Variants in IL1RL2 observed in about 807,000 individuals in gnomAD.
IL1RL2 encodes the protein interleukin 1 receptor like 2, also known as interleukin-1 receptor-like 2.
A neutral mutation model predicts 66.8 loss-of-function variants in IL1RL2; 68 were observed. The ratio of observed to expected loss-of-function variants is 1.02; its 90% CI spans 0.84 to 1.25. The LOEUF is 1.25. Ranked by LOEUF, IL1RL2 falls within the 50% of genes most tolerant of loss-of-function variation. The pLI, the probability that IL1RL2 is intolerant of heterozygous loss-of-function variation, is 0.00. For synonymous variants in IL1RL2, 305 were observed against 264.6 expected, an observed-to-expected ratio of 1.15 and a Z score of -1.48; for missense variants, 729 against 709.3, an observed-to-expected ratio of 1.03 and a Z score of -0.32.
intron 3 of IL1RL2, 83 bp downstream of exon 3, chr2:102,189,393 C>T (rs1687028001): frequency 3.7e-6 from 3 of 811,230 alleles, no homozygotes; most frequent in East Asian, 5.4e-5. Context: ...ACATAGAAAA[C>T]TCTTGAGAAG....
intron 8 of IL1RL2, among the ~76,000 whole-genome samples, chr2:102,222,142 T>A (rs1250871031): frequency 6.6e-6 from 1 of 152,218 alleles, no homozygotes; most frequent in African/African-American, 2.4e-5. Flanking sequence ...TTAAGAGAAG[T>A]ATATAGTATG....
chr2:102,222,269 C>T (rs1209481025), intron 8 of IL1RL2, among the ~76,000 whole-genome samples: 1 of 152,014 alleles, frequency 6.6e-6, no homozygotes, highest in African/African-American at 2.4e-5. Flanking sequence ...ACAATTTATC[C>T]ACTGGGCTAT....
chr2:102,228,967 G>A (rs1001386503), intron 9 of IL1RL2, among the ~76,000 whole-genome samples: 9 of 152,178 alleles, frequency 5.9e-5, no homozygotes, highest in African/African-American at 1.9e-4. Flanking sequence ...ATGTCATAGC[G>A]TGTTTTGTGT....
intron 11 of IL1RL2, among the ~76,000 whole-genome samples, chr2:102,237,003 CTT>C (rs1674943528): frequency 6.6e-6 from 1 of 152,178 alleles, no homozygotes; most frequent in Non-Finnish European, 1.5e-5. Context: ...GACGGGTCAG[CTT>C]TCTATTTTGC....
At chr2:102,241,291 C>T (rs948697429), downstream of IL1RL2, among the ~76,000 whole-genome samples, 9 of 152,202 alleles carry the variant, frequency 5.9e-5, 1 homozygote, top group Admixed American at 4.6e-4. Context: ...TCAGCAGGCC[C>T]TGTTTACTAT....
intron 6 of IL1RL2, among the ~76,000 whole-genome samples, chr2:102,217,203 T>C (rs952923682): frequency 2.6e-5 from 4 of 152,208 alleles, no homozygotes; most frequent in African/African-American, 9.6e-5. Flanking sequence ...TTATTTTTCT[T>C]ACATTTCTGA....
At position 102,239,470 on chromosome 2, in the gene IL1RL2, GGTT is replaced by G; in HGVS notation, c.*230_*232del. 6.1e-6 allele frequency: 3 copies of G among 489,216 alleles called. No homozygotes were observed. Among genetic ancestry groups the G allele is most frequent in the Non-Finnish European group, 7.6e-6 (2 of 263,342 alleles). The allele number at this position is 489,216 out of a possible 1,614,324, so 30.3% of individuals were successfully genotyped here. A position where few individuals can be genotyped will look rare whatever the true frequency, so the allele number is the denominator to read the frequency against. Reference sequence around the variant, plus strand: ...GTGGTCATGGAGGGTGAGAGCTGGGGGTTATCCCCATGGTCATGGAGGGTGAGG... The same window carrying G: ...GTGGTCATGGAGGGTGAGAGCTGGGGATCCCCATGGTCATGGAGGGTGAGG... On this transcript the variant is annotated 3_prime_UTR_variant, in exon 12 of 12. Coordinates refer to ENST00000264257, the MANE Select transcript of IL1RL2 (RefSeq NM_003854.4).
chr2:102,214,722 T>C (rs1266255820), intron 6 of IL1RL2, among the ~76,000 whole-genome samples: 3 of 79,826 alleles, frequency 3.8e-5, no homozygotes, highest in Admixed American at 3.5e-4. Context: ...CTGGAAACAG[T>C]TAGCCAAGAA....
intron 6 of IL1RL2, among the ~76,000 whole-genome samples, chr2:102,214,839 G>A (rs567202844): frequency 3.4e-4 from 52 of 152,278 alleles, no homozygotes; most frequent in African/African-American, 1.3e-3. Flanking sequence ...GGGGCTCCTA[G>A]CACTAATTCC....
chr2:102,208,354 G>A (rs1017567728), intron 5 of IL1RL2, among the ~76,000 whole-genome samples: 4 of 152,210 alleles, frequency 2.6e-5, no homozygotes, highest in African/African-American at 7.2e-5. Context: ...CAGGAGGGGA[G>A]CAACTTATTC....
chr2:102,188,048 A>G (rs1686853334), intron 2 of IL1RL2, 123 bp downstream of exon 2: 1 of 892,964 alleles, frequency 1.1e-6, no homozygotes, highest in South Asian at 1.3e-5. Context: ...CCAGACCGCC[A>G]GGCGGAGTTC....
downstream of IL1RL2, among the ~76,000 whole-genome samples, chr2:102,241,427 G>T (rs555627684): frequency 3.3e-5 from 5 of 152,178 alleles, no homozygotes; most frequent in Admixed American, 1.3e-4. Context: ...CCTCTTGCAA[G>T]TCAAAAACCC....
chr2:102,188,176 G>C (rs758142511), intron 2 of IL1RL2, among the ~76,000 whole-genome samples: 2 of 152,218 alleles, frequency 1.3e-5, no homozygotes, highest in Non-Finnish European at 2.9e-5. Context: ...TCCAAGTGAA[G>C]ACTTGAGTAA....
At chr2:102,224,554 C>T (rs1292385105) in intron 8 of IL1RL2, among the ~76,000 whole-genome samples, 1 of 152,006 alleles carries the variant, frequency 6.6e-6, no homozygotes, top group Non-Finnish European at 1.5e-5. Flanking sequence ...ATGGTGGTTA[C>T]CAGAGGCTGG....
At chr2:102,229,591 G>A (rs148052201) in intron 9 of IL1RL2, among the ~76,000 whole-genome samples, 201 of 152,306 alleles carry the variant, frequency 1.3e-3, no homozygotes, top group Non-Finnish European at 2.3e-3. Context: ...TTGAGGTGCC[G>A]TTGCCTGGCA....
At chr2:102,211,655 A>G in intron 5 of IL1RL2, among the ~76,000 whole-genome samples, 1 of 152,216 alleles carries the variant, frequency 6.6e-6, no homozygotes, top group East Asian at 1.9e-4. Context: ...CTATAGAAAT[A>G]GGAAACAGAT....
rs558059993 is a variant in IL1RL2, at chr2:102,230,925, G to T, written c.1136-2038G>T. On this transcript the variant is annotated intron_variant, in intron 9 of 11. Transcript: ENST00000264257. The stretch of plus-strand genomic sequence containing the variant: ...ACTATTATTTGGACGAAAGCTAGAA[G>T]AATACAAGGTTTTCCTTTCCCTTAT... Among the ~76,000 whole-genome samples the T allele has an allele frequency of 1.7e-4, 26 of 152,174 alleles. 1 individual carries two copies. The highest frequency in any genetic ancestry group is 3.2e-4 in the Non-Finnish European group (22 of 68,034).
At chr2:102,231,187 A>C (rs1691094023) in intron 9 of IL1RL2, among the ~76,000 whole-genome samples, 1 of 152,118 alleles carries the variant, frequency 6.6e-6, no homozygotes, top group Admixed American at 6.6e-5. Flanking sequence ...GTAGGGAATT[A>C]TTCCTCCTTC....
rs182367164 is a variant in IL1RL2, at chr2:102,230,671, G to A, written c.1136-2292G>A. The stretch of plus-strand genomic sequence containing the variant: ...CAGCTTCCTTTCATGATGGGGTGGG[G>A]AGGCAGACAAGGAGTGTGCACGTGT... On this transcript the variant is annotated intron_variant, in intron 9 of 11. Coordinates refer to ENST00000264257, the MANE Select transcript of IL1RL2 (RefSeq NM_003854.4). Among the ~76,000 whole-genome samples the A allele has an allele frequency of 3.3e-3, 509 of 152,300 alleles. 4 individuals are homozygous for A. Among genetic ancestry groups the A allele is most frequent in the African/African-American group, 0.012 (491 of 41,562 alleles).
Sources: allele counts gnomAD v4.1 joint callset (sites outside exome capture counted in the v4.1 genomes callset), GRCh38; gene constraint gnomAD v4.1.1; transcripts MANE v1.5; gene names NCBI Gene and HGNC (gene_info 2026-07-23, HGNC 2026-07-21).